The following EHMT1 variants were observed in gnomAD, a reference collection of about 807,000 sequenced individuals.
The protein encoded by EHMT1 is euchromatic histone lysine methyltransferase 1.
A neutral mutation model predicts 147.2 loss-of-function variants in EHMT1; 15 were observed. That is an observed-to-expected ratio of 0.10 (90% confidence interval 0.07 to 0.16). EHMT1 has a LOEUF of 0.16. Ranked by LOEUF, EHMT1 falls within the 10% of genes least tolerant of loss-of-function variation. The pLI is 1.00. For missense variants in EHMT1, 1,587 were observed against 1,772.4 expected (o/e 0.90, Z 1.88); for synonymous variants, 795 against 709.6 (o/e 1.12, Z -1.91).
chr9:137,781,038 G>A (rs2136831056), intron 14 of EHMT1, among the ~76,000 whole-genome samples: 1 of 146,750 alleles, frequency 6.8e-6, no homozygotes, highest in African/African-American at 2.6e-5. Context: ...GAGACGTGTG[G>A]TGATGACGCC....
At chr9:137,643,638 G>A (rs1055904848) in intron 1 of EHMT1, among the ~76,000 whole-genome samples, 6 of 152,106 alleles carry the variant, frequency 3.9e-5, no homozygotes, top group East Asian at 1.9e-4. Context: ...GTGAGCCACC[G>A]CGCCCGGCCG....
At chr9:137,778,227 C>T (rs1372420196) in intron 13 of EHMT1, among the ~76,000 whole-genome samples, 172 bp downstream of exon 13, 1 of 152,154 alleles carries the variant, frequency 6.6e-6, no homozygotes, top group Non-Finnish European at 1.5e-5. Flanking sequence ...AATTACTGTC[C>T]TCTGCATTAT....
intron 9 of EHMT1, among the ~76,000 whole-genome samples, chr9:137,761,199 T>C (rs1252991158): frequency 1.3e-5 from 2 of 152,180 alleles, no homozygotes; most frequent in Non-Finnish European, 2.9e-5. Flanking sequence ...TGACGCAGTT[T>C]CCTCGTTTGT....
intron 4 of EHMT1, among the ~76,000 whole-genome samples, chr9:137,736,337 T>C (rs1272282112): frequency 1.3e-5 from 2 of 152,242 alleles, no homozygotes; most frequent in African/African-American, 4.8e-5. Flanking sequence ...GTAAAACTGA[T>C]AGAATTGAAG....
At chr9:137,822,849 T>C (rs568651232) in intron 25 of EHMT1, among the ~76,000 whole-genome samples, 27 of 149,144 alleles carry the variant, frequency 1.8e-4, no homozygotes, top group Non-Finnish European at 2.7e-4. Context: ...GCCAAGATCA[T>C]GCCATTGCAC....
intron 18 of EHMT1, among the ~76,000 whole-genome samples, chr9:137,810,248 C>G (rs113430789): frequency 8.8e-6 from 1 of 113,234 alleles, no homozygotes; most frequent in Admixed American, 7.8e-5. Context: ...CCGCGTGGAC[C>G]GTCGGTGATG....
intron 25 of EHMT1, among the ~76,000 whole-genome samples, chr9:137,824,097 T>C (rs887327349): frequency 2.0e-5 from 3 of 151,268 alleles, no homozygotes; most frequent in African/African-American, 7.4e-5. Context: ...CCTTTTTTTT[T>C]AGAAGTCTTA....
At chr9:137,657,865 T>C (rs2134034629) in intron 1 of EHMT1, among the ~76,000 whole-genome samples, 1 of 150,784 alleles carries the variant, frequency 6.6e-6, no homozygotes, top group African/African-American at 2.5e-5. Flanking sequence ...TTTTTTTTAA[T>C]ACTGCTTCTA....
intron 1 of EHMT1, among the ~76,000 whole-genome samples, chr9:137,694,483 CCTT>C (rs1943233885): frequency 6.6e-6 from 1 of 152,196 alleles, no homozygotes; most frequent in Admixed American, 6.5e-5. Context: ...GGCTCCGTGC[CCTT>C]CTTCCTGCCT....
In EHMT1 at chr9:137,732,800, C is replaced by G. The variant is rs1947227776; in HGVS notation, c.823+4271C>G. ...TATTTCTTCAACTGTCACTCCATTGCCTGCCATTCATTGTTGCCTCCCTGT... is the reference window on the plus strand; with the variant it reads ...TATTTCTTCAACTGTCACTCCATTGGCTGCCATTCATTGTTGCCTCCCTGT... On this transcript the variant is annotated intron_variant, in intron 4 of 26. Transcript: ENST00000460843. This position sits in a 1 kb window ranked among gnomAD's most constrained non-coding sequence, Gnocchi z 4.6. 6.6e-6 allele frequency among the ~76,000 whole-genome samples: 1 copy of G among 152,178 alleles called. No individual in the cohort carries two copies. The highest frequency in any genetic ancestry group is 1.5e-5 in the Non-Finnish European group (1 of 68,036).
At chr9:137,638,888 C>G (rs902710708) in intron 1 of EHMT1, among the ~76,000 whole-genome samples, 2 of 152,056 alleles carry the variant, frequency 1.3e-5, no homozygotes, top group Non-Finnish European at 2.9e-5. Context: ...AGAGCCTGGC[C>G]GAGGCAGGGG....
At chr9:137,688,628 T>C (rs1942665005) in intron 1 of EHMT1, among the ~76,000 whole-genome samples, 1 of 152,250 alleles carries the variant, frequency 6.6e-6, no homozygotes. Flanking sequence ...TAAAAAGGGA[T>C]AGTTTTATAA....
chr9:137,646,276 A>G, intron 1 of EHMT1: 1 of 926,790 alleles, frequency 1.1e-6, no homozygotes, highest in Non-Finnish European at 1.3e-6. Flanking sequence ...TACTTTTTAA[A>G]TGTAGATGCT....
intron 1 of EHMT1, among the ~76,000 whole-genome samples, chr9:137,637,168 A>T (rs556696759): frequency 6.7e-6 from 1 of 150,150 alleles, no homozygotes; most frequent in South Asian, 2.1e-4. Context: ...AAGTGCTGGG[A>T]TTACAGGCGT....
chr9:137,800,136 T>G (rs1953336320), intron 17 of EHMT1, among the ~76,000 whole-genome samples: 1 of 152,180 alleles, frequency 6.6e-6, no homozygotes, highest in Non-Finnish European at 1.5e-5. Context: ...GATGTGCAGG[T>G]CCTTTGACGG....
intron 1 of EHMT1, among the ~76,000 whole-genome samples, chr9:137,671,147 C>T (rs931360742): frequency 6.6e-6 from 1 of 152,138 alleles, no homozygotes; most frequent in East Asian, 1.9e-4. Flanking sequence ...ACTGTTTTCC[C>T]GTATAATTAT....
chr9:137,755,812 G>A (rs564624563), intron 8 of EHMT1, among the ~76,000 whole-genome samples: 1 of 152,314 alleles, frequency 6.6e-6, no homozygotes, highest in African/African-American at 2.4e-5. Context: ...TACCTAATGA[G>A]TAATGAGATT....
rs1018654659 is a variant in EHMT1 at position 137,787,729 on chromosome 9, C to T, written c.2383-3119C>T. The T allele has an allele frequency of 5.2e-5, 38 of 736,180 alleles. No individual in the cohort carries two copies. Among genetic ancestry groups the T allele is most frequent in the South Asian group, 2.9e-4 (18 of 62,972 alleles). The allele number at this position is 736,180 out of a possible 1,614,324, so 45.6% of individuals were successfully genotyped here. A position where few individuals can be genotyped will look rare whatever the true frequency, so the allele number is the denominator to read the frequency against. On this transcript the variant is annotated intron_variant, in intron 15 of 26. Coordinates refer to ENST00000460843, the MANE Select transcript of EHMT1 (RefSeq NM_024757.5). The surrounding 1 kb of genome is among the most constrained non-coding windows in gnomAD (Gnocchi z 4.2). ...GGCCGCCAGGTCCCCAGGGTGCCAC[C>T]GAAACATCGTAGATGCTTTTGTTGG... is the stretch of plus-strand genomic sequence containing the variant.
intron 1 of EHMT1, among the ~76,000 whole-genome samples, chr9:137,648,577 A>G (rs115739041): frequency 0.019 from 2,950 of 152,000 alleles, 108 homozygotes; most frequent in African/African-American, 0.066. Flanking sequence ...AGTGTCATCA[A>G]GAGGTTGAGG....
Sources: allele counts gnomAD v4.1 joint callset (sites outside exome capture counted in the v4.1 genomes callset), GRCh38; gene constraint gnomAD v4.1.1; non-coding constraint Gnocchi (gnomAD v3.1); transcripts MANE v1.5; gene names NCBI Gene and HGNC (gene_info 2026-07-23, HGNC 2026-07-21).